Variants in SPTLC2 observed in about 807,000 individuals in gnomAD.
SPTLC2 encodes serine palmitoyltransferase long chain base subunit 2.
Under a neutral mutation model 62.0 loss-of-function variants are expected in SPTLC2, and 21 were observed. The ratio of observed to expected loss-of-function variants is 0.34; its 90% CI spans 0.24 to 0.49. SPTLC2 has a LOEUF of 0.49. Among genes scored for constraint, SPTLC2 ranks in the 20% least tolerant of loss-of-function variants. SPTLC2 has a pLI of 0.99. For missense variants in SPTLC2, 511 were observed against 713.0 expected, an observed-to-expected ratio of 0.72 and a Z score of 3.23; for synonymous variants, 261 against 261.8, an observed-to-expected ratio of 1.00 and a Z score of 0.03.
chr14:77,608,372 G>T (rs2079916165), intron 1 of SPTLC2, among the ~76,000 whole-genome samples: 1 of 152,130 alleles, frequency 6.6e-6, no homozygotes, highest in South Asian at 2.1e-4. Context: ...AGCAGAGTAT[G>T]TATGAAATAT....
intron 2 of SPTLC2, among the ~76,000 whole-genome samples, chr14:77,596,808 C>T (rs1163115308): frequency 6.6e-6 from 1 of 152,150 alleles, no homozygotes; most frequent in Non-Finnish European, 1.5e-5. Context: ...TAAACACAAC[C>T]TGGGATTCAG....
chr14:77,542,204 G>A (rs1206811688), intron 9 of SPTLC2, among the ~76,000 whole-genome samples: 1 of 152,044 alleles, frequency 6.6e-6, no homozygotes, highest in Non-Finnish European at 1.5e-5. Context: ...AAAAACCAGA[G>A]TATACTGGTA....
At chr14:77,556,486 CA>C (rs1566778984) in intron 7 of SPTLC2, among the ~76,000 whole-genome samples, 1 of 132,038 alleles carries the variant, frequency 7.6e-6, no homozygotes, top group African/African-American at 2.5e-5. Flanking sequence ...CACAAAAGAA[CA>C]AAAAAAATTA....
At chr14:77,557,825 T>C (rs1046308051) in intron 6 of SPTLC2, among the ~76,000 whole-genome samples, 9 of 152,198 alleles carry the variant, frequency 5.9e-5, no homozygotes, top group Admixed American at 2.0e-4. Flanking sequence ...TTGGTTCTTA[T>C]GGTGGTTAAT....
chr14:77,519,191 C>A (rs540349763), intron 10 of SPTLC2, among the ~76,000 whole-genome samples: 1 of 152,166 alleles, frequency 6.6e-6, no homozygotes, highest in South Asian at 2.1e-4. Context: ...AGGTGTGCAC[C>A]ACCACACCCA....
At chr14:77,538,753 T>C (rs762806718) in intron 9 of SPTLC2, among the ~76,000 whole-genome samples, 2 of 152,116 alleles carry the variant, frequency 1.3e-5, no homozygotes, top group Non-Finnish European at 2.9e-5. Flanking sequence ...GTATTTTTAG[T>C]AGAGATGGGG....
intron 11 of SPTLC2, among the ~76,000 whole-genome samples, chr14:77,516,403 C>G (rs1189976918): frequency 6.6e-6 from 1 of 152,048 alleles, no homozygotes; most frequent in Non-Finnish European, 1.5e-5. Flanking sequence ...GGATTACTGC[C>G]ATAGACACTG....
chr14:77,564,444 CACACACAG>C (rs1318245029), intron 5 of SPTLC2, among the ~76,000 whole-genome samples: 65 of 97,616 alleles, frequency 6.7e-4, no homozygotes, highest in South Asian at 1.1e-3. Context: ...CACACACACA[CACACACAG>C]ATGTGTGTGT....
chr14:77,521,299 C>A (rs1006815847), intron 10 of SPTLC2, 147 bp downstream of exon 10: 3 of 986,050 alleles, frequency 3.0e-6, no homozygotes, highest in Non-Finnish European at 4.8e-6. Context: ...AATTTGGAAT[C>A]CACTATTTGA....
intron 9 of SPTLC2, among the ~76,000 whole-genome samples, chr14:77,532,304 G>A (rs1333490386): frequency 1.3e-5 from 2 of 152,096 alleles, no homozygotes; most frequent in East Asian, 1.9e-4. Context: ...AAATGCTCAC[G>A]TGAATGAATA....
chr14:77,516,347 T>C (rs2079359819), intron 11 of SPTLC2, among the ~76,000 whole-genome samples: 1 of 152,216 alleles, frequency 6.6e-6, no homozygotes, highest in Non-Finnish European at 1.5e-5. Context: ...AATTCTTTCA[T>C]GAATGTGTAC....
At chr14:77,531,472 T>C (rs1418634348) in intron 9 of SPTLC2, among the ~76,000 whole-genome samples, 62 of 91,222 alleles carry the variant, frequency 6.8e-4, no homozygotes, top group South Asian at 2.8e-3. Context: ...CTCCTCCTCC[T>C]CCCCCTCCCC....
Position 77,568,798 on chromosome 14 carries a change from AC to A in SPTLC2, c.756+1585del, listed in dbSNP as rs2079660693. Among the ~76,000 whole-genome samples, 4 of 125,132 alleles carry A rather than the reference AC, an allele frequency of 3.2e-5. No individual in the cohort carries two copies. In the South Asian group the frequency reaches 1.1e-3, roughly 34 times the overall value. The allele number at this position is 125,132 out of a possible 152,430, so 82.1% of individuals were successfully genotyped here. ...ACTCCAGCCTGGGCAAGAGAGCGAG[AC>A]TCTGTCTCAAAAAAAAAAAAAAAAA... On this transcript the variant is annotated intron_variant, in intron 5 of 11. Transcript: ENST00000216484.
chr14:77,528,781 GCTAA>G lies in SPTLC2; in HGVS notation c.1304-7204_1304-7201del, dbSNP rs540839694. Among the ~76,000 whole-genome samples, 79 of 151,896 alleles carry G rather than the reference GCTAA, an allele frequency of 5.2e-4. 1 individual carries two copies. Among genetic ancestry groups the G allele is most frequent in the Non-Finnish European group, 2.6e-4 (18 of 67,976 alleles). ...TTAACAATTTTTTATAAGAATTGAA[GCTAA>G]CTGTCAATCTTTTACTTTAATCATC... On this transcript the variant is annotated intron_variant, in intron 9 of 11. Transcript: ENST00000216484.
intron 3 of SPTLC2, 76 bp from the exon 4 acceptor site, chr14:77,576,991 A>C (rs766405653): frequency 3.3e-6 from 5 of 1,532,186 alleles, no homozygotes; most frequent in Non-Finnish European, 4.5e-6. Context: ...TGAACTGGTG[A>C]CACAAAAGGA....
chr14:77,531,493 TCCTCCTCC>T lies in SPTLC2; in HGVS notation c.1304-9920_1304-9913del, dbSNP rs1566770821. Among the ~76,000 whole-genome samples, 26 of 69,288 alleles carry T rather than the reference TCCTCCTCC, an allele frequency of 3.8e-4. 1 individual carries two copies. The highest frequency in any genetic ancestry group is 1.2e-3 in the Admixed American group (6 of 5,134). The allele number at this position is 69,288 out of a possible 152,430, so 45.5% of individuals were successfully genotyped here. The stretch of plus-strand genomic sequence containing the variant: ...CTCCTCCCCCTCCCCCTCCTCCTCC[TCCTCCTCC>T]TCCTCCTCTTCTTCTTCTTCTTCTT... On this transcript the variant is annotated intron_variant, in intron 9 of 11. Coordinates refer to ENST00000216484, the MANE Select transcript of SPTLC2 (RefSeq NM_004863.4).
intron 9 of SPTLC2, among the ~76,000 whole-genome samples, chr14:77,530,607 T>C (rs1158301169): frequency 3.9e-5 from 6 of 152,164 alleles, no homozygotes; most frequent in South Asian, 4.1e-4. Flanking sequence ...CAATACACCA[T>C]ATAAGTAACT....
chr14:77,513,893 C>G (rs1356441072), intron 11 of SPTLC2, among the ~76,000 whole-genome samples: 1 of 54,000 alleles, frequency 1.9e-5, no homozygotes, highest in Non-Finnish European at 4.7e-5. Context: ...AAAACTCTGT[C>G]TCAAAAAAAA....
chr14:77,589,920 G>GTGAGC (rs2079806312), intron 2 of SPTLC2, among the ~76,000 whole-genome samples: 1 of 151,038 alleles, frequency 6.6e-6, no homozygotes, highest in East Asian at 2.0e-4. Context: ...AGAGACTGCA[G>GTGAGC]TGAGCTGAGA....
Sources: gnomAD v4.1 joint callset for allele counts (sites outside exome capture counted in the v4.1 genomes callset) on GRCh38, gnomAD v4.1.1 for gene constraint, MANE v1.5 for transcripts, NCBI Gene and HGNC (gene_info 2026-07-23, HGNC 2026-07-21) for gene names.